The following TBC1D10C variants were observed in gnomAD, a reference collection of about 807,000 sequenced individuals.
The protein encoded by TBC1D10C is TBC1 domain family member 10C.
A neutral mutation model predicts 51.0 loss-of-function variants in TBC1D10C; 49 were observed. That is an observed-to-expected ratio of 0.96 (90% confidence interval 0.76 to 1.22). The LOEUF (loss-of-function observed/expected upper bound fraction) is 1.22, where lower values mean the gene tolerates loss of function less well. Ranked by LOEUF, TBC1D10C falls within the 50% of genes most tolerant of loss-of-function variation. The pLI is 0.00. For missense variants in TBC1D10C, 541 were observed against 617.5 expected (o/e 0.88, Z 1.31); for synonymous variants, 281 against 266.7 (o/e 1.05, Z -0.52).
At chr11:67,405,245 A>G (rs1406940014) in intron 2 of TBC1D10C, 61 bp downstream of exon 2, 2 of 1,528,452 alleles carry the variant, frequency 1.3e-6, no homozygotes, top group Admixed American at 2.0e-5. Context: ...CTCAGCCCAC[A>G]TCTTGGCAAA....
At chr11:67,404,995 C>A (rs1206655962) in intron 1 of TBC1D10C, 90 bp from the exon 2 acceptor site, 4 of 1,202,176 alleles carry the variant, frequency 3.3e-6, no homozygotes, top group African/African-American at 3.0e-5. Flanking sequence ...GGGCCAGGAG[C>A]TGGGTTCACC....
chr11:67,405,924 G>A lies in TBC1D10C; in HGVS notation c.489G>A (p.Val163=). The change falls in exon 5 of 9, where the codon GTG becomes GTA. Residue 163 remains valine (V), a synonymous_variant. Coordinates refer to ENST00000542590, the MANE Select transcript of TBC1D10C (RefSeq NM_001369496.1). ...ACAGGCAGCAGGGGCTCCTGCAGGT[G>A]CTCAAGGCCTACACCCTGTATCGAC... ...QGHGQQGLLQ[V]LKAYTLYRPE... 2 of 1,599,810 alleles carry A rather than the reference G, an allele frequency of 1.3e-6. No individual in the cohort carries two copies. The highest frequency in any genetic ancestry group is 2.3e-5 in the East Asian group (1 of 44,238).
intron 6 of TBC1D10C, 27 bp downstream of exon 6, chr11:67,406,719 G>A (rs766274150): frequency 3.8e-6 from 6 of 1,578,488 alleles, no homozygotes; most frequent in African/African-American, 2.7e-5. Context: ...GGGGCTGGAG[G>A]AAGGAGGGGC....
At chr11:67,406,791 G>T in intron 6 of TBC1D10C, 36 bp from the exon 7 acceptor site, 3 of 1,609,934 alleles carry the variant, frequency 1.9e-6, no homozygotes, top group Non-Finnish European at 2.5e-6. Flanking sequence ...GGCTCTGGGG[G>T]TGGCGGTGCT....
chr11:67,405,122 G>A lies in TBC1D10C; in HGVS notation c.190G>A (p.Glu64Lys). 2 of 1,551,494 alleles carry A rather than the reference G, an allele frequency of 1.3e-6. No homozygotes were observed. The highest frequency in any genetic ancestry group is 1.7e-6 in the Non-Finnish European group (2 of 1,146,968). The change falls in exon 2 of 9, where the codon GAG becomes AAG. Residue 64 changes from glutamate (E) to lysine (K), a missense_variant. Physicochemically the swap from Glu to Lys is moderately conservative, Grantham distance 56. Coordinates refer to ENST00000542590, the MANE Select transcript of TBC1D10C (RefSeq NM_001369496.1). ...ACCTGCAGACCTCATCCGCCAACGGGAGATGAAGTGGGTGGAGATGACCTC... is the reference window on the plus strand; with the variant it reads ...ACCTGCAGACCTCATCCGCCAACGGAAGATGAAGTGGGTGGAGATGACCTC... ...HPPADLIRQR[E>K]MKWVEMTSHW...
Position 67,405,942 on chromosome 11 carries a change from G to C in TBC1D10C, c.507G>C (p.Leu169=). 3 of 1,605,418 alleles carry C rather than the reference G, an allele frequency of 1.9e-6. No homozygotes were observed. The highest frequency in any genetic ancestry group is 2.5e-6 in the Non-Finnish European group (3 of 1,176,742). ...TGCAGGTGCTCAAGGCCTACACCCT[G>C]TATCGACCGGAGCAGGGCTACTGCC... The part of the protein sequence containing the change: ...GLLQVLKAYT[L]YRPEQGYCQA... Residue 169 remains leucine (L), a synonymous_variant, in exon 5 of 9, where the codon CTG becomes CTC. Coordinates refer to ENST00000542590, the MANE Select transcript of TBC1D10C (RefSeq NM_001369496.1).
intron 8 of TBC1D10C, 69 bp from the exon 9 acceptor site, chr11:67,409,338 C>CT: frequency 1.1e-5 from 16 of 1,491,220 alleles, no homozygotes; most frequent in Non-Finnish European, 1.4e-5. Flanking sequence ...ACTTCCTGGG[C>CT]TGGGGACCTC....
chr11:67,405,881 C>T, intron 4 of TBC1D10C, 22 bp from the exon 5 acceptor site: 2 of 1,574,160 alleles, frequency 1.3e-6, no homozygotes, highest in Non-Finnish European at 1.7e-6. Context: ...GGACTGGCCC[C>T]TTATGGGGTC....
chr11:67,405,742 G>A, intron 4 of TBC1D10C, 41 bp downstream of exon 4: 2 of 1,606,706 alleles, frequency 1.2e-6, no homozygotes, highest in South Asian at 1.1e-5. Flanking sequence ...AGCCCCACAA[G>A]CCCCAGGTGC....
intron 7 of TBC1D10C, chr11:67,407,765 C>T (rs1000966734): frequency 6.6e-6 from 1 of 152,366 alleles, no homozygotes; most frequent in Non-Finnish European, 1.5e-5. Flanking sequence ...CCATCGGTAA[C>T]CCACCTGCAT....
At position 67,405,687 on chromosome 11, in the gene TBC1D10C, G is replaced by A. The variant is rs773786261; in HGVS notation, c.453G>A (p.Ser151=). ...TCCCTCTGCACGAGATGTTTGTGTC[G>A]CCTCAGGGCCACGGGTACGAGGCCG... is the stretch of plus-strand genomic sequence containing the variant. ...RQFPLHEMFV[S]PQGHGQQGLL... Residue 151 remains serine, a synonymous_variant, in exon 4 of 9, where the codon TCG becomes TCA. Coordinates refer to ENST00000542590, the MANE Select transcript of TBC1D10C (RefSeq NM_001369496.1). 1.4e-5 allele frequency: 22 copies of A among 1,613,514 alleles called. No homozygotes were observed. Among genetic ancestry groups the A allele is most frequent in the East Asian group, 2.2e-5 (1 of 44,902 alleles).
rs540832437 is a variant in TBC1D10C at position 67,405,784 on chromosome 11, G to A, written c.467+83G>A. 1.5e-5 allele frequency: 23 copies of A among 1,569,642 alleles called. No homozygotes were observed. In the African/African-American group the frequency reaches 2.8e-4, roughly 19 times the overall value. Reference sequence around the variant, plus strand: ...CCACTTTCCCTAGCCCAGCTCTACAGTCTTGCATCTCAGGGGACCCAGGAA... The same window carrying A: ...CCACTTTCCCTAGCCCAGCTCTACAATCTTGCATCTCAGGGGACCCAGGAA... On this transcript the variant is annotated intron_variant, in intron 4 of 8. Transcript: ENST00000542590.
In TBC1D10C at chr11:67,406,708, G is replaced by GGGGGCTGGAGGAAGGA. The variant is rs765762070; in HGVS notation, c.648+22_648+37dup. On this transcript the variant is annotated intron_variant, in intron 6 of 8. Coordinates refer to ENST00000542590, the MANE Select transcript of TBC1D10C (RefSeq NM_001369496.1). ...GCCCCACATGGTGAGAGGCTGACAT[G>GGGGGCTGGAGGAAGGA]GGGGCTGGAGGAAGGAGGGGCAGGG... is the stretch of plus-strand genomic sequence containing the variant. 1 of 1,576,034 alleles carries GGGGGCTGGAGGAAGGA rather than the reference G, an allele frequency of 6.3e-7. No homozygotes were observed. The highest frequency in any genetic ancestry group is 8.6e-7 in the Non-Finnish European group (1 of 1,160,590).
chr11:67,407,146 G>A, intron 7 of TBC1D10C, 130 bp downstream of exon 7: 1 of 1,118,068 alleles, frequency 8.9e-7, no homozygotes, highest in Non-Finnish European at 1.3e-6. Flanking sequence ...ATGGCCTGGT[G>A]CCTGGCGCTA....
In TBC1D10C at chr11:67,409,102, C is replaced by T. The variant is rs752545514; in HGVS notation, c.962C>T (p.Ala321Val). 3.4e-5 allele frequency: 54 copies of T among 1,600,278 alleles called. No homozygotes were observed. Among genetic ancestry groups the T allele is most frequent in the Non-Finnish European group, 4.3e-5 (51 of 1,174,754 alleles). Residue 321 changes from alanine to valine, a missense_variant, in exon 8 of 9, where the codon GCG becomes GTG. Ala to Val is a moderately conservative substitution (Grantham distance 64, BLOSUM62 0). Coordinates refer to ENST00000542590, the MANE Select transcript of TBC1D10C (RefSeq NM_001369496.1). ...TLGALRAIPP[A>V]QLQEEAFMSQ... ...GGAGCCCTTCGAGCCATCCCCCCCGCGCAGCTGCAGGAGGAGGCCTTCATG... is the reference window on the plus strand; with the variant it reads ...GGAGCCCTTCGAGCCATCCCCCCCGTGCAGCTGCAGGAGGAGGCCTTCATG...
chr11:67,406,664 A>C lies in TBC1D10C; in HGVS notation c.620A>C (p.Tyr207Ser). The stretch of plus-strand genomic sequence containing the variant: ...TGCCTGGTGCAGATCTGTGAGGTCT[A>C]CCTCCCTGGGTACTACGGGCCCCAC... ...FWCLVQICEV[Y>S]LPGYYGPHME... The change falls in exon 6 of 9, where the codon TAC (tyrosine) becomes TCC (serine). Residue 207 changes from tyrosine to serine, a missense_variant. Transcript: ENST00000542590. 6.3e-7 allele frequency: 1 copy of C among 1,576,398 alleles called. No individual in the cohort carries two copies. The highest frequency in any genetic ancestry group is 1.2e-5 in the South Asian group (1 of 86,780).
chr11:67,405,963 C>T lies in TBC1D10C; in HGVS notation c.528C>T (p.Tyr176=). The T allele has an allele frequency of 6.2e-7, 1 of 1,606,784 alleles. No homozygotes were observed. Among genetic ancestry groups the T allele is most frequent in the Non-Finnish European group, 8.5e-7 (1 of 1,177,618 alleles). Residue 176 remains tyrosine, a synonymous_variant, in exon 5 of 9, where the codon TAC becomes TAT. Coordinates refer to ENST00000542590, the MANE Select transcript of TBC1D10C (RefSeq NM_001369496.1). The part of the protein sequence containing the change: ...AYTLYRPEQG[Y]CQAQGPVAAV... ...CCCTGTATCGACCGGAGCAGGGCTA[C>T]TGCCAGGCCCAGGGGCCCGTGGCTG...
At chr11:67,406,203 G>T in intron 5 of TBC1D10C, 186 bp downstream of exon 5, 2 of 551,806 alleles carry the variant, frequency 3.6e-6, no homozygotes, top group Non-Finnish European at 6.3e-6. Context: ...AGGAACCTGG[G>T]ACCCTTGACC....
At chr11:67,404,028 T>TCAGGGCAGGGGCTA (rs1590941644), upstream of TBC1D10C, 2 of 736,824 alleles carry the variant, frequency 2.7e-6, no homozygotes, top group East Asian at 6.7e-5. Context: ...GGCTTTTCTG[T>TCAGGGCAGGGGCTA]CAGGGCAGGG....
Sources: allele counts gnomAD v4.1 joint callset, GRCh38; gene constraint gnomAD v4.1.1; transcripts MANE v1.5; gene names NCBI Gene and HGNC (gene_info 2026-07-23, HGNC 2026-07-21).